Variants in KCNQ1 observed in about 807,000 individuals in gnomAD.
The protein encoded by KCNQ1 is potassium voltage-gated channel subfamily Q member 1.
KCNQ1 carries 49 observed loss-of-function variants against 72.4 expected under a neutral mutation model. The observed-to-expected ratio is 0.68, with a 90% confidence interval of 0.54 to 0.86. The LOEUF is 0.86. Ranked by LOEUF, KCNQ1 falls within the 40% of genes least tolerant of loss-of-function variation. The probability of loss-of-function intolerance (pLI) is 0.00; values close to 1 mark genes in which losing one functional copy is unlikely to be tolerated. For synonymous variants in KCNQ1, 450 were observed against 412.6 expected, an observed-to-expected ratio of 1.09 and a Z score of -1.10; for missense variants, 790 against 945.1, an observed-to-expected ratio of 0.84 and a Z score of 2.15.
intron 1 of KCNQ1, among the ~76,000 whole-genome samples, chr11:2,466,845 G>A (rs767203023): frequency 7.6e-4 from 116 of 152,162 alleles, no homozygotes; most frequent in Non-Finnish European, 1.4e-3. Context: ...TATAGAGAGC[G>A]AGGGCCTGGC....
chr11:2,812,538 G>A (rs1033803429), intron 15 of KCNQ1, among the ~76,000 whole-genome samples: 2 of 152,244 alleles, frequency 1.3e-5, no homozygotes, highest in Non-Finnish European at 2.9e-5. Context: ...GGAACAGCAT[G>A]TATGAAGGCA....
At position 2,457,697 on chromosome 11, in the gene KCNQ1, C is replaced by T. The variant is rs181616462; in HGVS notation, c.386+12213C>T. 1.1e-4 allele frequency among the ~76,000 whole-genome samples: 17 copies of T among 151,902 alleles called. No homozygotes were observed. The East Asian group carries it at 1.4e-3, about 12-fold the overall frequency. On this transcript the variant is annotated intron_variant, in intron 1 of 15. Coordinates refer to ENST00000155840, the MANE Select transcript of KCNQ1 (RefSeq NM_000218.3). The surrounding 1 kb of genome is among the most constrained non-coding windows in gnomAD (Gnocchi z 5.0). ...GTGCTGTGCGCACTACGTGGGAGAC[C>T]GGATCGTTTGTACTCCAAACCTCAG...
chr11:2,717,895 C>CT (rs565632434), intron 11 of KCNQ1, among the ~76,000 whole-genome samples: 59 of 152,306 alleles, frequency 3.9e-4, no homozygotes, highest in African/African-American at 1.4e-3. Context: ...AGGTTTGAGC[C>CT]CCCCGGGGTA....
chr11:2,703,067 C>G lies in KCNQ1; in HGVS notation c.1514+40986C>G, dbSNP rs191162651. Reference sequence around the variant, plus strand: ...GACACGTGGGAATTGGCTAGAGAAGCATGTGAGGCTGGGCGGACTCCAGGC... The same window carrying G: ...GACACGTGGGAATTGGCTAGAGAAGGATGTGAGGCTGGGCGGACTCCAGGC... On this transcript the variant is annotated intron_variant, in intron 11 of 15. Coordinates refer to ENST00000155840, the MANE Select transcript of KCNQ1 (RefSeq NM_000218.3). The surrounding 1 kb of genome is among the most constrained non-coding windows in gnomAD (Gnocchi z 6.4). Among the ~76,000 whole-genome samples the G allele has an allele frequency of 6.6e-6, 1 of 152,148 alleles. No individual in the cohort carries two copies. Among genetic ancestry groups the G allele is most frequent in the African/African-American group, 2.4e-5 (1 of 41,432 alleles).
chr11:2,550,085 T>C lies in KCNQ1; in HGVS notation c.478-20543T>C, dbSNP rs1847959826. Among the ~76,000 whole-genome samples the C allele has an allele frequency of 6.6e-6, 1 of 152,114 alleles. No homozygotes were observed. Among genetic ancestry groups the C allele is most frequent in the South Asian group, 2.1e-4 (1 of 4,826 alleles). ...AGGTCTGGGTGTGGATGTATCTGTA[T>C]GTCTTTGCGGAGCTCAGATGAGAGA... On this transcript the variant is annotated intron_variant, in intron 2 of 15. Coordinates refer to ENST00000155840, the MANE Select transcript of KCNQ1 (RefSeq NM_000218.3). This position sits in a 1 kb window ranked among gnomAD's most constrained non-coding sequence, Gnocchi z 6.0.
At chr11:2,811,431 G>C (rs1847483250) in intron 15 of KCNQ1, among the ~76,000 whole-genome samples, 1 of 152,266 alleles carries the variant, frequency 6.6e-6, no homozygotes, top group East Asian at 1.9e-4. Flanking sequence ...TGGCTGCCAA[G>C]TCCATGGGCC....
chr11:2,656,965 A>G, intron 10 of KCNQ1: 1 of 398,618 alleles, frequency 2.5e-6, no homozygotes, highest in Admixed American at 4.4e-5. Flanking sequence ...GCTCCTGAAC[A>G]TTTGATTGAA....
rs986744526 is a variant in KCNQ1 at position 2,620,799 on chromosome 11, T to C, written c.1393+31945T>C. 10 of 398,542 alleles carry C rather than the reference T, an allele frequency of 2.5e-5. No homozygotes were observed. The highest frequency in any genetic ancestry group is 1.2e-4 in the African/African-American group (6 of 48,646). The allele number at this position is 398,542 out of a possible 1,614,324, so 24.7% of individuals were successfully genotyped here. A position where few individuals can be genotyped will look rare whatever the true frequency, so the allele number is the denominator to read the frequency against. On this transcript the variant is annotated intron_variant, in intron 10 of 15. Transcript: ENST00000155840. The surrounding 1 kb of genome is among the most constrained non-coding windows in gnomAD (Gnocchi z 4.5). The stretch of plus-strand genomic sequence containing the variant: ...GCACAGTGGCTGAACTAATTTGTAT[T>C]CCTGCCAACAGTGTATAAGCGTTCC...
chr11:2,517,851 C>CT (rs1847314295), intron 1 of KCNQ1, among the ~76,000 whole-genome samples: 3 of 152,340 alleles, frequency 2.0e-5, no homozygotes, highest in African/African-American at 7.2e-5. Flanking sequence ...GTGCTGTTGG[C>CT]ATGCAGCCTG....
intron 10 of KCNQ1, among the ~76,000 whole-genome samples, chr11:2,596,624 T>TA (rs985995731): frequency 2.6e-5 from 4 of 150,956 alleles, no homozygotes; most frequent in African/African-American, 7.3e-5. Context: ...CTTATTTATG[T>TA]AAAAATCTAG....
At chr11:2,667,072 G>A (rs1850087194) in intron 11 of KCNQ1, 3 of 398,548 alleles carry the variant, frequency 7.5e-6, no homozygotes, top group Admixed American at 4.4e-5. Context: ...AAATGCACGG[G>A]GGGATTAAAT....
chr11:2,753,696 A>AT (rs1846259563), intron 11 of KCNQ1, among the ~76,000 whole-genome samples: 1 of 152,232 alleles, frequency 6.6e-6, no homozygotes, highest in South Asian at 2.1e-4. Context: ...GTACAAAGCC[A>AT]TACCAGGCCC....
At position 2,677,923 on chromosome 11, in the gene KCNQ1, C is replaced by T; in HGVS notation, c.1514+15842C>T. 2 of 398,524 alleles carry T rather than the reference C, an allele frequency of 5.0e-6. No homozygotes were observed. Among genetic ancestry groups the T allele is most frequent in the Non-Finnish European group, 8.8e-6 (2 of 226,022 alleles). The allele number at this position is 398,524 out of a possible 1,614,324, so 24.7% of individuals were successfully genotyped here. A position where few individuals can be genotyped will look rare whatever the true frequency, so the allele number is the denominator to read the frequency against. On this transcript the variant is annotated intron_variant, in intron 11 of 15. Transcript: ENST00000155840. The surrounding 1 kb of genome is among the most constrained non-coding windows in gnomAD (Gnocchi z 4.5). ...AAGTGTATACTCAGGTTTTTATCTT[C>T]ATTCATTTCATAGATGAGAAATGGT... is the stretch of plus-strand genomic sequence containing the variant.
intron 10 of KCNQ1, chr11:2,637,607 T>C (rs565600700): frequency 1.3e-5 from 2 of 152,362 alleles, no homozygotes; most frequent in Admixed American, 1.3e-4. Context: ...CTTCCAATTA[T>C]GTGGTCAATT....
At chr11:2,845,469 G>A (rs1848307659) in intron 15 of KCNQ1, among the ~76,000 whole-genome samples, 2 of 152,220 alleles carry the variant, frequency 1.3e-5, no homozygotes, top group South Asian at 2.1e-4. Flanking sequence ...GTCCTTGGGT[G>A]TGAGAGACCC....
intron 11 of KCNQ1, among the ~76,000 whole-genome samples, chr11:2,708,657 G>A (rs570894994): frequency 9.3e-4 from 142 of 152,274 alleles, no homozygotes; most frequent in Admixed American, 1.6e-3. Flanking sequence ...AGCAAGAGGT[G>A]AGGGTTTCAG....
At chr11:2,648,387 C>T (rs1849700501) in intron 10 of KCNQ1, 1 of 398,246 alleles carries the variant, frequency 2.5e-6, no homozygotes, top group African/African-American at 2.1e-5. Context: ...AACTTTCTAC[C>T]TTATTGATGT....
In KCNQ1 at chr11:2,777,632, C is replaced by T. The variant is rs368564705; in HGVS notation, c.1733-344C>T. On this transcript the variant is annotated intron_variant, in intron 14 of 15. Transcript: ENST00000155840. ...GTAACGGAGCAGCGGAATGGCTGTGCCCCCAGCCTGGAGTCAGGCCTGTGT... is the reference window on the plus strand; with the variant it reads ...GTAACGGAGCAGCGGAATGGCTGTGTCCCCAGCCTGGAGTCAGGCCTGTGT... 752 of 585,046 alleles carry T rather than the reference C, an allele frequency of 1.3e-3. 3 individuals are homozygous for T. The highest frequency in any genetic ancestry group is 0.013 in the African/African-American group (679 of 53,654). 36.2% of individuals were successfully genotyped at this position (585,046 alleles called of 1,614,324 possible). A position where few individuals can be genotyped will look rare whatever the true frequency, so the allele number is the denominator to read the frequency against.
At chr11:2,518,980 C>A (rs1170293906) in intron 1 of KCNQ1, among the ~76,000 whole-genome samples, 5 of 152,164 alleles carry the variant, frequency 3.3e-5, no homozygotes, top group Non-Finnish European at 7.4e-5. Flanking sequence ...CACATCCACG[C>A]TCCTTCTGTG....
Sources: gnomAD v4.1 joint callset for allele counts (sites outside exome capture counted in the v4.1 genomes callset) on GRCh38, gnomAD v4.1.1 for gene constraint, Gnocchi (gnomAD v3.1) non-coding constraint, MANE v1.5 for transcripts, NCBI Gene and HGNC (gene_info 2026-07-23, HGNC 2026-07-21) for gene names.